The following N4BP2L1 variants were observed in gnomAD, a reference collection of about 807,000 sequenced individuals.
The protein encoded by N4BP2L1 is NEDD4-binding protein 2-like 1.
In N4BP2L1, 12 loss-of-function variants were observed where a neutral mutation model predicts 21.2. The ratio of observed to expected loss-of-function variants is 0.57; its 90% CI spans 0.36 to 0.92. The LOEUF (loss-of-function observed/expected upper bound fraction) is 0.92, where lower values mean the gene tolerates loss of function less well. N4BP2L1 is among the 40% of genes least tolerant of loss of function. The probability of loss-of-function intolerance (pLI) is 0.01; values close to 1 mark genes in which losing one functional copy is unlikely to be tolerated. For synonymous variants in N4BP2L1, 104 were observed against 112.8 expected (o/e 0.92, Z 0.49); for missense variants, 259 against 310.6 (o/e 0.83, Z 1.25).
At chr13:32,421,970 A>T (rs2074505149) in intron 1 of N4BP2L1, among the ~76,000 whole-genome samples, 1 of 152,132 alleles carries the variant, frequency 6.6e-6, no homozygotes, top group African/African-American at 2.4e-5. Flanking sequence ...ACTTATAAAT[A>T]TCCTAACATG....
intron 4 of N4BP2L1, chr13:32,404,066 T>C: frequency 8.3e-7 from 1 of 1,202,774 alleles, no homozygotes; most frequent in Non-Finnish European, 1.2e-6. Context: ...AGAAGCATTT[T>C]AGCAGAATGT....
chr13:32,424,404 C>T (rs36060479), intron 1 of N4BP2L1, among the ~76,000 whole-genome samples: 1 of 152,230 alleles, frequency 6.6e-6, no homozygotes, highest in Non-Finnish European at 1.5e-5. Flanking sequence ...CCTCCCCAGC[C>T]TTCACCACCA....
In N4BP2L1 at chr13:32,404,372, A is replaced by G. The variant is rs1185487532; in HGVS notation, c.422T>C (p.Ile141Thr). Residue 141 changes from isoleucine to threonine, a missense_variant, in exon 4 of 5, where the codon ATA becomes ACA. Physicochemically the swap from Ile to Thr is moderately conservative, Grantham distance 89. This residue lies in a region of N4BP2L1 where 91 missense variants were observed against 148.1 expected (regional missense o/e 0.61). Coordinates refer to ENST00000380130, the MANE Select transcript of N4BP2L1 (RefSeq NM_052818.3). ...VMALENNYEV[I>T]FREPDTRWKF... ...CCAGCGAGTGTCAGGTTCTCGGAAT[A>G]TAACTTCATAGTTATTTTCAAGTGC... The G allele has an allele frequency of 5.6e-6, 9 of 1,613,204 alleles. No individual in the cohort carries two copies. Among genetic ancestry groups the G allele is most frequent in the South Asian group, 1.1e-5 (1 of 91,012 alleles).
intron 1 of N4BP2L1, among the ~76,000 whole-genome samples, chr13:32,418,465 G>C (rs1200341479): frequency 6.6e-6 from 1 of 152,244 alleles, no homozygotes; most frequent in Non-Finnish European, 1.5e-5. Context: ...GTGCCCTCAT[G>C]GAGAATCTCT....
chr13:32,424,011 G>A (rs988965898), intron 1 of N4BP2L1, among the ~76,000 whole-genome samples: 9 of 152,204 alleles, frequency 5.9e-5, no homozygotes, highest in Admixed American at 2.6e-4. Flanking sequence ...TTGAGGTAGC[G>A]GAAAGGACAG....
rs748626947 is a variant in N4BP2L1 at position 32,403,064 on chromosome 13, A to G, written c.610T>C (p.Leu204=). The change falls in exon 5 of 5, where the codon TTG becomes CTG. Residue 204 remains leucine (L), a synonymous_variant. Transcript: ENST00000380130. The part of the protein sequence containing the change: ...MNRNQDRNNA[L]PSNNARYWNS... ...CAGTATCTGGCATTGTTGGAAGGCA[A>G]TGCATTATTCCTGTCCTGGTTTCTG... 6.2e-7 allele frequency: 1 copy of G among 1,614,096 alleles called. No individual in the cohort carries two copies. Among genetic ancestry groups the G allele is most frequent in the South Asian group, 1.1e-5 (1 of 91,080 alleles).
chr13:32,428,447 C>A, upstream of N4BP2L1: 1 of 182,088 alleles, frequency 5.5e-6, no homozygotes, highest in Non-Finnish European at 1.1e-5. Flanking sequence ...ACAGCCCTCC[C>A]CAACCCCAGC....
At chr13:32,404,090 T>C in intron 4 of N4BP2L1, 1 of 1,474,744 alleles carries the variant, frequency 6.8e-7, no homozygotes, top group African/African-American at 1.4e-5. Flanking sequence ...ATGCATCCTT[T>C]TAAAGGACCA....
At position 32,401,294 on chromosome 13, in the gene N4BP2L1, A is replaced by T. The variant is rs1246066833; in HGVS notation, c.*1648T>A. On this transcript the variant is annotated 3_prime_UTR_variant, in exon 5 of 5. Transcript: ENST00000380130. Reference sequence around the variant, plus strand: ...TACCCAGGACTACCTGGGCCTGGAAAATGGGAGCATTATTAAGTAGATCAT... The same window carrying T: ...TACCCAGGACTACCTGGGCCTGGAATATGGGAGCATTATTAAGTAGATCAT... 2 of 152,152 alleles carry T rather than the reference A, an allele frequency of 1.3e-5. No individual in the cohort carries two copies. The highest frequency in any genetic ancestry group is 4.8e-5 in the African/African-American group (2 of 41,430). 9.4% of individuals were successfully genotyped at this position (152,152 alleles called of 1,614,324 possible).
rs1374136068 is a variant in N4BP2L1, at chr13:32,403,027, G to A, written c.647C>T (p.Thr216Ile). 8 of 1,614,150 alleles carry A rather than the reference G, an allele frequency of 5.0e-6. No individual in the cohort carries two copies. The highest frequency in any genetic ancestry group is 1.6e-4 in the Middle Eastern group (1 of 6,062). Residue 216 changes from threonine to isoleucine, a missense_variant, in exon 5 of 5, where the codon ACA becomes ATA. Physicochemically the swap from Thr to Ile is moderately conservative, Grantham distance 89. Around this residue, in one of 3 missense-constraint regions of N4BP2L1, gnomAD observed 108 missense variants for 107.8 expected, o/e 1.00. Coordinates refer to ENST00000380130, the MANE Select transcript of N4BP2L1 (RefSeq NM_052818.3). ...GTGGGCCCTCCGGTTTGGAAACTCT[G>A]TGTAGGAATTCCAGTATCTGGCATT... is the stretch of plus-strand genomic sequence containing the variant. Reference protein sequence around the residue: ...SNNARYWNSYTEFPNRRAHGG... With the variant: ...SNNARYWNSYIEFPNRRAHGG...
intron 4 of N4BP2L1, chr13:32,403,636 A>G (rs1272083349): frequency 1.9e-6 from 1 of 521,490 alleles, no homozygotes; most frequent in East Asian, 5.5e-5. Context: ...AACTGGGGAT[A>G]TAGTTAGAAA....
chr13:32,403,793 T>C (rs1209428993), intron 4 of N4BP2L1: 1 of 526,760 alleles, frequency 1.9e-6, no homozygotes, highest in Admixed American at 2.0e-5. Context: ...GCCTTACTCC[T>C]AAGAAGTAAA....
Position 32,402,851 on chromosome 13 carries a change from ATT to A in N4BP2L1, c.*89_*90del, listed in dbSNP as rs1239841484. ...TTTGAGTTCAGCTATTTACACTGGA[ATT>A]GGAGCTCTGACTAAAATGCAACAAA... On this transcript the variant is annotated 3_prime_UTR_variant, in exon 5 of 5. Transcript: ENST00000380130. The A allele has an allele frequency of 3.3e-6, 5 of 1,493,488 alleles. No homozygotes were observed. The African/African-American group carries it at 7.0e-5, about 21-fold the overall frequency. The allele number at this position is 1,493,488 out of a possible 1,614,324, so 92.5% of individuals were successfully genotyped here. A position where few individuals can be genotyped will look rare whatever the true frequency, so the allele number is the denominator to read the frequency against.
chr13:32,411,680 C>T, intron 1 of N4BP2L1: 2 of 985,150 alleles, frequency 2.0e-6, no homozygotes, highest in Non-Finnish European at 2.4e-6. Flanking sequence ...CCTCCCACAA[C>T]CCCCGCTCAA....
intron 4 of N4BP2L1, among the ~76,000 whole-genome samples, chr13:32,404,039 T>G (rs2073318161): frequency 6.6e-6 from 1 of 152,350 alleles, no homozygotes; most frequent in Non-Finnish European, 1.5e-5. Context: ...AAAGTGCTTT[T>G]AAATGTTCCT....
chr13:32,407,193 T>C, intron 3 of N4BP2L1, 57 bp downstream of exon 3: 1 of 1,526,494 alleles, frequency 6.6e-7, no homozygotes, highest in South Asian at 1.1e-5. Flanking sequence ...GAACAGATGC[T>C]TCAACTTTCT....
intron 2 of N4BP2L1, 56 bp downstream of exon 2, chr13:32,407,589 G>C (rs1314846111): frequency 6.2e-6 from 10 of 1,607,662 alleles, no homozygotes; most frequent in East Asian, 4.5e-5. Context: ...TTCTGCAGCA[G>C]CTACAATCTA....
At chr13:32,424,779 A>G (rs1170432659) in intron 1 of N4BP2L1, 1 of 152,220 alleles carries the variant, frequency 6.6e-6, no homozygotes, top group African/African-American at 2.4e-5. Context: ...TGCTCAAAAA[A>G]TTTAATCAGT....
Position 32,407,237 on chromosome 13 carries a change from T to C in N4BP2L1, c.396+13A>G, listed in dbSNP as rs141521337. The C allele has an allele frequency of 4.8e-4, 767 of 1,612,424 alleles. 4 individuals are homozygous for C. The African/African-American group carries it at 9.2e-3, about 19-fold the overall frequency. On this transcript the variant is annotated intron_variant, in intron 3 of 4. Transcript: ENST00000380130. ...GTCCATAACTGAAAATTCAGAATGA[T>C]ACTTCTTCCTACCATGACTGCATAG...
Sources: gnomAD v4.1 joint callset for allele counts (sites outside exome capture counted in the v4.1 genomes callset) on GRCh38, gnomAD v4.1.1 for gene constraint, gnomAD v4.1.1 regional missense constraint, MANE v1.5 for transcripts, NCBI Gene and HGNC (gene_info 2026-07-23, HGNC 2026-07-21) for gene names.